The following SFPQ variants were observed in gnomAD, a reference collection of about 807,000 sequenced individuals.
The protein encoded by SFPQ is splicing factor proline and glutamine rich.
Under a neutral mutation model 72.9 loss-of-function variants are expected in SFPQ, and 11 were observed. The ratio of observed to expected loss-of-function variants is 0.15; its 90% CI spans 0.09 to 0.25. The LOEUF (loss-of-function observed/expected upper bound fraction) is 0.25, where lower values mean the gene tolerates loss of function less well. SFPQ is among the 10% of genes least tolerant of loss of function. SFPQ has a pLI of 1.00. For synonymous variants in SFPQ, 506 were observed against 367.3 expected (o/e 1.38, Z -4.32); for missense variants, 847 against 993.3 (o/e 0.85, Z 1.98).
downstream of SFPQ, chr1:35,181,620 G>A (rs1420005143): frequency 9.4e-7 from 1 of 1,059,858 alleles, no homozygotes; most frequent in Non-Finnish European, 1.1e-6. Flanking sequence ...TAAAGATTAG[G>A]AGAAGTATAA....
rs188912845 is a variant in SFPQ at position 35,184,390 on chromosome 1, A to G, written c.*66T>C. On this transcript the variant is annotated 3_prime_UTR_variant, in exon 10 of 10. Coordinates refer to ENST00000357214, the MANE Select transcript of SFPQ (RefSeq NM_005066.3). The stretch of plus-strand genomic sequence containing the variant: ...GATAGCTTTCTTACTAAAATGCAAG[A>G]ATTTAAAAGATTGGTATCTAAACAA... 3.5e-5 allele frequency: 55 copies of G among 1,572,748 alleles called. No homozygotes were observed. In the African/African-American group the frequency reaches 6.9e-4, roughly 20 times the overall value.
At chr1:35,186,314 G>C (rs1639709081) in intron 9 of SFPQ, among the ~76,000 whole-genome samples, 1 of 152,116 alleles carries the variant, frequency 6.6e-6, no homozygotes, top group Admixed American at 6.5e-5. Context: ...ATTGTTCTAA[G>C]CATCTGACAG....
downstream of SFPQ, chr1:35,179,791 G>A: frequency 9.5e-7 from 1 of 1,054,302 alleles, no homozygotes; most frequent in Non-Finnish European, 1.1e-6. Flanking sequence ...GTTACTGACT[G>A]GTAAGAAATA....
In SFPQ at chr1:35,190,733, GC is replaced by G; in HGVS notation, c.1279del (p.Ala427HisfsTer12). ...AACACCTTCACTGCATCGTTCAAATGCCTTTCTTGCTGCTGGCTTAGAAGCA... is the reference window on the plus strand; with the variant it reads ...AACACCTTCACTGCATCGTTCAAATGCTTTCTTGCTGCTGGCTTAGAAGCA... ...EFASKPAARK[A>X]FERCSEGVFL... On this transcript the variant is annotated frameshift_variant, in exon 3 of 10. Transcript: ENST00000357214. LOFTEE classifies it high-confidence loss of function. 1 of 1,614,208 alleles carries G rather than the reference GC, an allele frequency of 6.2e-7. No homozygotes were observed. Among genetic ancestry groups the G allele is most frequent in the Non-Finnish European group, 8.5e-7 (1 of 1,180,046 alleles).
At position 35,187,041 on chromosome 1, in the gene SFPQ, G is replaced by A. The variant is rs1212817659; in HGVS notation, c.1946C>T (p.Pro649Leu). 2 of 1,613,948 alleles carry A rather than the reference G, an allele frequency of 1.2e-6. No individual in the cohort carries two copies. The highest frequency in any genetic ancestry group is 1.6e-4 in the Middle Eastern group (1 of 6,084). Residue 649 changes from proline to leucine, a missense_variant, in exon 9 of 10, where the codon CCA becomes CTA. Transcript: ENST00000357214. Reference protein sequence around the residue: ...GIGYEANPGVPPATMSGSMMG... With the variant: ...GIGYEANPGVLPATMSGSMMG... Reference sequence around the variant, plus strand: ...CATGGAACCACTCATGGTTGCTGGTGGAACGCCAGGATTAGCTTCATAACC... The same window carrying A: ...CATGGAACCACTCATGGTTGCTGGTAGAACGCCAGGATTAGCTTCATAACC...
chr1:35,184,124 A>C lies in SFPQ; in HGVS notation c.*332T>G. ...TGGCAAAGTTGAAGATCAATATTAT[A>C]ACTATTTTTCTATTTATTTGAAGCA... On this transcript the variant is annotated 3_prime_UTR_variant, in exon 10 of 10. Transcript: ENST00000357214. 1.8e-6 allele frequency: 2 copies of C among 1,136,262 alleles called. No individual in the cohort carries two copies. The highest frequency in any genetic ancestry group is 2.2e-6 in the Non-Finnish European group (2 of 925,838). The allele number at this position is 1,136,262 out of a possible 1,614,324, so 70.4% of individuals were successfully genotyped here. A position where few individuals can be genotyped will look rare whatever the true frequency, so the allele number is the denominator to read the frequency against.
Position 35,183,138 on chromosome 1 carries a change from G to A in SFPQ, c.*1318C>T. 9.7e-7 allele frequency: 1 copy of A among 1,025,736 alleles called. No individual in the cohort carries two copies. Among genetic ancestry groups the A allele is most frequent in the Non-Finnish European group, 1.2e-6 (1 of 854,202 alleles). The allele number at this position is 1,025,736 out of a possible 1,614,324, so 63.5% of individuals were successfully genotyped here. A position where few individuals can be genotyped will look rare whatever the true frequency, so the allele number is the denominator to read the frequency against. ...ACCAATAGATTTTTATAGTCCTATA[G>A]ATTTTGCCCAACAGAAGTAGCACAA... On this transcript the variant is annotated 3_prime_UTR_variant, in exon 10 of 10. Transcript: ENST00000357214.
Position 35,184,466 on chromosome 1 carries a change from G to A in SFPQ, c.2114C>T (p.Pro705Leu), listed in dbSNP as rs757460711. The A allele has an allele frequency of 1.2e-6, 2 of 1,607,690 alleles. No homozygotes were observed. Residue 705 changes from proline to leucine, a missense_variant, in exon 10 of 10, where the codon CCC becomes CTC. Pro to Leu is a moderately conservative substitution (Grantham distance 98). This residue lies in a region of SFPQ where 154 missense variants were observed against 186.0 expected (regional missense o/e 0.83). Transcript: ENST00000357214. ...GCCTAAATATCACATCTAAAATCGG[G>A]GTTTTTTGTTTGGGCCTTCGTACTC... is the stretch of plus-strand genomic sequence containing the variant. The part of the protein sequence containing the change: ...REEYEGPNKK[P>L]RF
At chr1:35,182,165 GC>G (rs987494069), downstream of SFPQ, 1 of 985,090 alleles carries the variant, frequency 1.0e-6, no homozygotes, top group African/African-American at 1.7e-5. Context: ...TTCCCGACCA[GC>G]CCCCACCCAC....
chr1:35,179,382 C>T (rs985880011), downstream of SFPQ: 2 of 1,057,068 alleles, frequency 1.9e-6, no homozygotes, highest in African/African-American at 3.3e-5. Flanking sequence ...TTTCTTTCAT[C>T]TTTCAGAAAG....
downstream of SFPQ, chr1:35,181,944 A>T: frequency 1.0e-6 from 1 of 985,320 alleles, no homozygotes; most frequent in Non-Finnish European, 1.2e-6. Context: ...ATTATTTGCT[A>T]AACAACGTTT....
chr1:35,182,390 C>G (rs999440430), downstream of SFPQ: 3 of 985,236 alleles, frequency 3.0e-6, no homozygotes, highest in Non-Finnish European at 2.4e-6. Context: ...GGTAAAACTA[C>G]TCATATTTCC....
intron 4 of SFPQ, chr1:35,177,511 C>G (rs768785161): frequency 6.6e-6 from 1 of 152,288 alleles, no homozygotes; most frequent in Non-Finnish European, 1.5e-5. Flanking sequence ...CACCACCACA[C>G]CTGGCTATAT....
chr1:35,179,720 C>A (rs996500605), downstream of SFPQ: 3 of 1,057,232 alleles, frequency 2.8e-6, no homozygotes, highest in Admixed American at 5.4e-5. Context: ...AAATTAACCC[C>A]CCACCCCAAT....
chr1:35,192,948 C>G lies in SFPQ; in HGVS notation c.102G>C (p.Pro34=). ...GRGGLHDFRS[P]PPGMGLNQNR... ...TCTGATTGAGGCCCATGCCGGGCGGCGGAGAACGGAAGTCGTGGAGGCCGC... is the reference window on the plus strand; with the variant it reads ...TCTGATTGAGGCCCATGCCGGGCGGGGGAGAACGGAAGTCGTGGAGGCCGC... Residue 34 remains proline (P), a synonymous_variant, in exon 1 of 10, where the codon CCG becomes CCC. Transcript: ENST00000357214. The G allele has an allele frequency of 6.3e-7, 1 of 1,581,476 alleles. No homozygotes were observed. The highest frequency in any genetic ancestry group is 1.3e-5 in the African/African-American group (1 of 74,184).
chr1:35,177,251 TG>T (rs1639284218), intron 5 of SFPQ: 1 of 152,278 alleles, frequency 6.6e-6, no homozygotes, highest in African/African-American at 2.4e-5. Flanking sequence ...ACATTAGTAT[TG>T]TTATTTTTGT....
rs565651697 is a variant in SFPQ, at chr1:35,190,399, A to G, written c.1415+99T>C. 5.2e-6 allele frequency: 4 copies of G among 767,156 alleles called. No individual in the cohort carries two copies. The African/African-American group carries it at 5.3e-5, about 10-fold the overall frequency. 47.5% of individuals were successfully genotyped at this position (767,156 alleles called of 1,614,324 possible). A position where few individuals can be genotyped will look rare whatever the true frequency, so the allele number is the denominator to read the frequency against. ...TTACTAATAAGCATATCCACATCAA[A>G]TAATTTTGCATATTTTAAGCAAAAT... On this transcript the variant is annotated intron_variant, in intron 4 of 9. Coordinates refer to ENST00000357214, the MANE Select transcript of SFPQ (RefSeq NM_005066.3).
In SFPQ at chr1:35,183,489, TTACAGGCGTG is replaced by T; in HGVS notation, c.*957_*966del. 1.1e-6 allele frequency: 1 copy of T among 931,366 alleles called. No individual in the cohort carries two copies. The highest frequency in any genetic ancestry group is 1.3e-6 in the Non-Finnish European group (1 of 772,700). 57.7% of individuals were successfully genotyped at this position (931,366 alleles called of 1,614,324 possible). On this transcript the variant is annotated 3_prime_UTR_variant, in exon 10 of 10. Coordinates refer to ENST00000357214, the MANE Select transcript of SFPQ (RefSeq NM_005066.3). ...ACCTCAGCCTCCCAAAGTGCTGGGATTACAGGCGTGAGCCACCGCGCCCGGCCCAGTTACT... is the reference window on the plus strand; with the variant it reads ...ACCTCAGCCTCCCAAAGTGCTGGGATAGCCACCGCGCCCGGCCCAGTTACT...
rs771991418 is a variant in SFPQ at position 35,192,495 on chromosome 1, C to A, written c.555G>T (p.Pro185=). ...GGCCCGGGACTGCCGCGGGCGGAGG[C>A]GGCGGGCCTCCGGCCTGAGGAGGTG... ...PTTPPQAGGP[P]PPPAAVPGPG... The change falls in exon 1 of 10, where the codon CCG becomes CCT. Residue 185 remains proline (P), a synonymous_variant. Transcript: ENST00000357214. 2.3e-6 allele frequency: 3 copies of A among 1,325,412 alleles called. No homozygotes were observed. The highest frequency in any genetic ancestry group is 1.6e-5 in the African/African-American group (1 of 63,984). 82.1% of individuals were successfully genotyped at this position (1,325,412 alleles called of 1,614,324 possible). A position where few individuals can be genotyped will look rare whatever the true frequency, so the allele number is the denominator to read the frequency against.
Sources: allele counts gnomAD v4.1 joint callset (sites outside exome capture counted in the v4.1 genomes callset), GRCh38; gene constraint gnomAD v4.1.1; regional missense constraint gnomAD v4.1.1; transcripts MANE v1.5; gene names NCBI Gene and HGNC (gene_info 2026-07-23, HGNC 2026-07-21).